Variants in C12orf76 observed in about 807,000 individuals in gnomAD.
C12orf76 encodes the protein uncharacterized protein C12orf76.
C12orf76 carries 6 observed loss-of-function variants against 6.8 expected under a neutral mutation model. The ratio of observed to expected loss-of-function variants is 0.88; its 90% CI spans 0.48 to 1.73. C12orf76 has a LOEUF of 1.73. Among genes scored for constraint, C12orf76 ranks in the 40% most tolerant of loss-of-function variants. The probability of loss-of-function intolerance (pLI) is 0.01; values close to 1 mark genes in which losing one functional copy is unlikely to be tolerated. For synonymous variants in C12orf76, 56 were observed against 43.7 expected (o/e 1.28, Z -1.11); for missense variants, 99 against 98.2 (o/e 1.01, Z -0.03).
At chr12:110,059,244 T>G (rs1892729061) in intron 2 of C12orf76, 2 of 1,436,724 alleles carry the variant, frequency 1.4e-6, no homozygotes, top group Non-Finnish European at 1.9e-6. Context: ...AATTGGTTAA[T>G]TAGCTCTATC....
upstream of C12orf76, among the ~76,000 whole-genome samples, chr12:110,071,687 A>ACAT (rs1042899945): frequency 2.6e-5 from 4 of 152,114 alleles, no homozygotes; most frequent in African/African-American, 7.2e-5. Context: ...ATCATCATCA[A>ACAT]CATCATCATC....
intron 1 of C12orf76, among the ~76,000 whole-genome samples, chr12:110,045,706 G>A (rs1354509755): frequency 1.3e-5 from 2 of 152,010 alleles, no homozygotes; most frequent in Non-Finnish European, 2.9e-5. Context: ...CACCTGTAAT[G>A]CCAGCACTTT....
At chr12:110,069,734 C>T (rs1892938381), upstream of C12orf76, among the ~76,000 whole-genome samples, 1 of 151,902 alleles carries the variant, frequency 6.6e-6, no homozygotes, top group South Asian at 2.1e-4. Context: ...AGGGAACCCC[C>T]AGATGCAAGT....
At chr12:110,067,295 C>A (rs552725113) in intron 1 of C12orf76, among the ~76,000 whole-genome samples, 1 of 152,238 alleles carries the variant, frequency 6.6e-6, no homozygotes, top group Admixed American at 6.5e-5. Context: ...TGGGCCAAGT[C>A]GCACATCCCA....
chr12:110,064,168 G>A (rs745600172), intron 2 of C12orf76, among the ~76,000 whole-genome samples: 4 of 152,166 alleles, frequency 2.6e-5, no homozygotes, highest in Non-Finnish European at 4.4e-5. Context: ...ATCCCCTATT[G>A]TATGGGTCAA....
rs112195757 is a variant in C12orf76 at position 110,054,487 on chromosome 12, A to G, written n.664+2702T>C. 1.3e-5 allele frequency among the ~76,000 whole-genome samples: 2 copies of G among 152,352 alleles called. No homozygotes were observed. Among genetic ancestry groups the G allele is most frequent in the Admixed American group, 6.5e-5 (1 of 15,300 alleles). Reference sequence around the variant, plus strand: ...TATTGATTGACTCCATTTATATGAAATACCCAGAATAGGTAAATCCATAGA... The same window carrying G: ...TATTGATTGACTCCATTTATATGAAGTACCCAGAATAGGTAAATCCATAGA... On this transcript the variant is annotated intron_variant and non_coding_transcript_variant, in intron 4 of 4. Transcript: ENST00000309050. This position sits in a 1 kb window ranked among gnomAD's most constrained non-coding sequence, Gnocchi z 4.4.
upstream of C12orf76, among the ~76,000 whole-genome samples, chr12:110,068,718 G>C (rs1371843827): frequency 1.3e-5 from 2 of 152,152 alleles, no homozygotes; most frequent in African/African-American, 4.8e-5. Flanking sequence ...CAGTAACTGA[G>C]GCCCTGTCTC....
upstream of C12orf76, among the ~76,000 whole-genome samples, chr12:110,068,309 A>T (rs940940694): frequency 4.1e-5 from 6 of 146,828 alleles, no homozygotes; most frequent in South Asian, 2.2e-4. Flanking sequence ...AAGAAGAAGA[A>T]GAAGAAGAAG....
chr12:110,057,155 A>G, intron 4 of C12orf76: 1 of 1,445,162 alleles, frequency 6.9e-7, no homozygotes, highest in Non-Finnish European at 9.7e-7. Flanking sequence ...CCCAATCCAC[A>G]TGCTCTGAAT....
chr12:110,047,292 C>G (rs1892475051), intron 1 of C12orf76, among the ~76,000 whole-genome samples: 1 of 152,154 alleles, frequency 6.6e-6, no homozygotes. Context: ...ACTTATGTTT[C>G]AAGCCCCCAA....
rs1272120742 is a variant in C12orf76 at position 110,041,374 on chromosome 12, A to G, written c.*1000T>C. ...AGATAAGCATTTCAATTTAATAACAAAATTAAATCTAGCACCTTGAAATAA... is the reference window on the plus strand; with the variant it reads ...AGATAAGCATTTCAATTTAATAACAGAATTAAATCTAGCACCTTGAAATAA... On this transcript the variant is annotated 3_prime_UTR_variant, in exon 2 of 2. Transcript: ENST00000615315. 1 of 152,634 alleles carries G rather than the reference A, an allele frequency of 6.6e-6. No homozygotes were observed. Among genetic ancestry groups the G allele is most frequent in the Non-Finnish European group, 1.5e-5 (1 of 68,046 alleles). The allele number at this position is 152,634 out of a possible 1,614,324, so 9.5% of individuals were successfully genotyped here.
At chr12:110,048,743 G>C, upstream of C12orf76, 3 of 1,035,524 alleles carry the variant, frequency 2.9e-6, no homozygotes, top group Non-Finnish European at 2.4e-6. Context: ...AACGTTCGCC[G>C]CGATTACCGT....
At chr12:110,062,607 A>T (rs1892788731) in intron 2 of C12orf76, among the ~76,000 whole-genome samples, 1 of 150,510 alleles carries the variant, frequency 6.6e-6, no homozygotes, top group Admixed American at 6.8e-5. Context: ...GTTGAGAAAA[A>T]TATAGAAAAA....
At chr12:110,050,179 G>T (rs1030364823), upstream of C12orf76, 1 of 152,196 alleles carries the variant, frequency 6.6e-6, no homozygotes, top group South Asian at 2.1e-4. Context: ...ATTGAGCTAA[G>T]TGTTTGGCCC....
intron 2 of C12orf76, among the ~76,000 whole-genome samples, chr12:110,062,788 ATTTTTTTTTT>A (rs71079597): frequency 1.6e-5 from 1 of 63,392 alleles, no homozygotes; most frequent in East Asian, 3.4e-4. Flanking sequence ...CCCAGCTAAT[ATTTTTTTTTT>A]TTTTTTTTTT....
At chr12:110,072,247 T>C (rs559713598), upstream of C12orf76, among the ~76,000 whole-genome samples, 7 of 147,646 alleles carry the variant, frequency 4.7e-5, no homozygotes, top group Admixed American at 4.7e-4. Context: ...GGCAACATAG[T>C]GAGACCCCAA....
At chr12:110,062,788 ATTTTTTT>A (rs71079597) in intron 2 of C12orf76, among the ~76,000 whole-genome samples, 2 of 63,360 alleles carry the variant, frequency 3.2e-5, no homozygotes, top group African/African-American at 7.5e-5. Flanking sequence ...CCCAGCTAAT[ATTTTTTT>A]TTTTTTTTTT....
At chr12:110,048,540 C>T (rs1478787275), upstream of C12orf76, 1 of 1,374,032 alleles carries the variant, frequency 7.3e-7, no homozygotes, top group Admixed American at 3.4e-5. Flanking sequence ...CCGTCGCAAG[C>T]CCTGCCTCTG....
chr12:110,052,934 G>A (rs150891727), upstream of C12orf76, among the ~76,000 whole-genome samples: 4,118 of 152,330 alleles, frequency 0.027, 81 homozygotes, highest in Middle Eastern at 0.082. Context: ...TGGGCGCAGT[G>A]GCTCACGCCT....
Sources: gnomAD v4.1 joint callset for allele counts (sites outside exome capture counted in the v4.1 genomes callset) on GRCh38, gnomAD v4.1.1 for gene constraint, Gnocchi (gnomAD v3.1) non-coding constraint, MANE v1.5 for transcripts, NCBI Gene and HGNC (gene_info 2026-07-23, HGNC 2026-07-21) for gene names.